FRMD3: variants seen among roughly 807,000 people sequenced by gnomAD.
FRMD3 encodes FERM domain containing 3, also known as FERM domain-containing protein 3.
In FRMD3, 33 loss-of-function variants were observed where a neutral mutation model predicts 70.2. The observed-to-expected ratio is 0.47, with a 90% CI of 0.36 to 0.63. The LOEUF is 0.63. Among genes scored for constraint, FRMD3 ranks in the 20% least tolerant of loss-of-function variants. The pLI is 0.00. For missense variants in FRMD3, 632 were observed against 711.4 expected (o/e 0.89, Z 1.27); for synonymous variants, 279 against 255.9 (o/e 1.09, Z -0.86).
At chr9:83,582,075 TC>T in the FRMD3 span, among the ~76,000 whole-genome samples, 7 of 152,122 alleles carry the variant, frequency 4.6e-5, no homozygotes, top group Non-Finnish European at 8.8e-5. Flanking sequence ...AAAAGTAATC[TC>T]TTTTTTTTTC....
At chr9:83,490,360 C>T (rs1260273960) in intron 1 of FRMD3, among the ~76,000 whole-genome samples, 1 of 152,060 alleles carries the variant, frequency 6.6e-6, no homozygotes, top group Non-Finnish European at 1.5e-5. Flanking sequence ...GCACTTTCAG[C>T]TCATTGAAAC....
intron 1 of FRMD3, among the ~76,000 whole-genome samples, chr9:83,435,271 A>AG (rs1587849616): frequency 6.6e-6 from 1 of 152,136 alleles, no homozygotes; most frequent in East Asian, 1.9e-4. Flanking sequence ...GTGCTTCTGA[A>AG]TTCAAATATC....
At chr9:83,495,056 CCTA>C (rs1372765689) in intron 1 of FRMD3, among the ~76,000 whole-genome samples, 1 of 37,556 alleles carries the variant, frequency 2.7e-5, no homozygotes, top group Non-Finnish European at 6.3e-5. Flanking sequence ...TAACCATTCT[CCTA>C]CTGTTTCCAA....
intron 1 of FRMD3, among the ~76,000 whole-genome samples, chr9:83,464,781 C>G (rs7873016): frequency 0.38 from 58,173 of 151,892 alleles, 11,664 homozygotes; most frequent in Middle Eastern, 0.49. Flanking sequence ...CACTTTGGGA[C>G]GCCAAGGTGG....
Position 83,538,338 on chromosome 9 carries a change from A to C in FRMD3, c.-107T>G. Reference sequence around the variant, plus strand: ...TGTCCGGGACACCTGGGCGCGGCTCAGCCCCGGGACATCGGCAGCGTCGGG... The same window carrying C: ...TGTCCGGGACACCTGGGCGCGGCTCCGCCCCGGGACATCGGCAGCGTCGGG... On this transcript the variant is annotated 5_prime_UTR_variant, in exon 1 of 14. An upstream open reading frame in the 5' UTR loses its in-frame stop. Transcript: ENST00000304195. The surrounding 1 kb of genome is among the most constrained non-coding windows in gnomAD (Gnocchi z 4.7). 2.7e-6 allele frequency: 3 copies of C among 1,098,480 alleles called. No individual in the cohort carries two copies. The highest frequency in any genetic ancestry group is 2.4e-6 in the Non-Finnish European group (2 of 850,038). 68.0% of individuals were successfully genotyped at this position (1,098,480 alleles called of 1,614,324 possible). A position where few individuals can be genotyped will look rare whatever the true frequency, so the allele number is the denominator to read the frequency against.
intron 12 of FRMD3, 85 bp downstream of exon 12, chr9:83,298,663 T>C (rs566961126): frequency 9.0e-5 from 90 of 1,001,394 alleles, no homozygotes; most frequent in Non-Finnish European, 1.4e-4. Context: ...TAATGCTGTA[T>C]GTCACTACAC....
At chr9:83,273,058 G>GCACCTCT (rs1833658954) in intron 13 of FRMD3, among the ~76,000 whole-genome samples, 1 of 137,054 alleles carries the variant, frequency 7.3e-6, no homozygotes. Context: ...GGTGGGGGGG[G>GCACCTCT]GCGCCTCTGC....
chr9:83,337,578 C>A (rs1007142499), intron 5 of FRMD3, among the ~76,000 whole-genome samples: 2 of 152,014 alleles, frequency 1.3e-5, no homozygotes, highest in Non-Finnish European at 2.9e-5. Context: ...AAAGATATGG[C>A]CCAGGAGAGT....
intron 1 of FRMD3, among the ~76,000 whole-genome samples, chr9:83,449,969 A>G (rs1479138507): frequency 2.0e-5 from 3 of 152,220 alleles, no homozygotes; most frequent in East Asian, 1.9e-4. Flanking sequence ...TCATGCCTCA[A>G]TAACTTTTTT....
At chr9:83,331,912 G>A in intron 6 of FRMD3, 1 of 716,870 alleles carries the variant, frequency 1.4e-6, no homozygotes, top group Non-Finnish European at 2.6e-6. Flanking sequence ...GATGAGTCCT[G>A]ATCAGAGAGT....
intron 3 of FRMD3, among the ~76,000 whole-genome samples, chr9:83,362,948 TTTC>T (rs1824654409): frequency 6.9e-6 from 1 of 144,876 alleles, no homozygotes; most frequent in East Asian, 2.0e-4. Flanking sequence ...ACTTCCTTGC[TTTC>T]TTTCTTCCTT....
chr9:83,502,046 T>C (rs1829081243), intron 1 of FRMD3, among the ~76,000 whole-genome samples: 1 of 152,236 alleles, frequency 6.6e-6, no homozygotes, highest in South Asian at 2.1e-4. Flanking sequence ...ATGTGTCTTG[T>C]TCTGGAACAA....
At chr9:83,473,248 GC>G (rs1332980526) in intron 1 of FRMD3, among the ~76,000 whole-genome samples, 6 of 151,710 alleles carry the variant, frequency 4.0e-5, no homozygotes, top group Non-Finnish European at 7.4e-5. Flanking sequence ...CCAACCCCCT[GC>G]CTCTGTGCAC....
At position 83,458,122 on chromosome 9, in the gene FRMD3, T is replaced by C. The variant is rs1287730274; in HGVS notation, c.148-68414A>G. ...GCCACTGGCTCCTTGTCTATTAAAA[T>C]GAAAAGATTGAAGTGGATTTTTAAG... On this transcript the variant is annotated intron_variant, in intron 1 of 13. Transcript: ENST00000304195. Among the ~76,000 whole-genome samples, 9 of 151,606 alleles carry C rather than the reference T, an allele frequency of 5.9e-5. No individual in the cohort carries two copies. The South Asian group carries it at 8.3e-4, about 14-fold the overall frequency.
At chr9:83,536,727 C>G (rs995993910) in intron 1 of FRMD3, among the ~76,000 whole-genome samples, 1 of 152,082 alleles carries the variant, frequency 6.6e-6, no homozygotes, top group African/African-American at 2.4e-5. Flanking sequence ...TACCTTGACA[C>G]TTGTCCGGCT....
At chr9:83,418,177 GC>G (rs1442736540) in intron 1 of FRMD3, among the ~76,000 whole-genome samples, 6 of 152,090 alleles carry the variant, frequency 3.9e-5, no homozygotes, top group Non-Finnish European at 2.9e-5. Flanking sequence ...AGGGATAAAA[GC>G]CAGACAGTGT....
chr9:83,327,917 C>T (rs1047113299), intron 6 of FRMD3, among the ~76,000 whole-genome samples: 1 of 152,082 alleles, frequency 6.6e-6, no homozygotes, highest in Admixed American at 6.5e-5. Flanking sequence ...TAGAGAGGGA[C>T]ATTATCTCTC....
intron 3 of FRMD3, among the ~76,000 whole-genome samples, chr9:83,358,561 T>C (rs1824479589): frequency 6.6e-6 from 1 of 152,178 alleles, no homozygotes; most frequent in African/African-American, 2.4e-5. Context: ...CATCCATCCA[T>C]GAGCATGGGA....
At chr9:83,562,162 G>A in the FRMD3 span, among the ~76,000 whole-genome samples, 1 of 152,174 alleles carries the variant, frequency 6.6e-6, no homozygotes, top group African/African-American at 2.4e-5. Context: ...GAGTAAAAAT[G>A]GAAGAATGAC....
Sources: allele counts gnomAD v4.1 joint callset (sites outside exome capture counted in the v4.1 genomes callset), GRCh38; gene constraint gnomAD v4.1.1; non-coding constraint Gnocchi (gnomAD v3.1); transcripts MANE v1.5; gene names NCBI Gene and HGNC (gene_info 2026-07-23, HGNC 2026-07-21).